Variants in PARD3 observed in about 807,000 individuals in gnomAD.
The protein encoded by PARD3 is par-3 family cell polarity regulator, also known as partitioning defective 3 homolog.
PARD3 carries 75 observed loss-of-function variants against 155.4 expected under a neutral mutation model. The observed-to-expected ratio is 0.48, with a 90% CI of 0.40 to 0.58. The LOEUF is 0.58. Ranked by LOEUF, PARD3 falls within the 20% of genes least tolerant of loss-of-function variation. The pLI is 0.00. For missense variants in PARD3, 1,642 were observed against 1,721.7 expected, an observed-to-expected ratio of 0.95 and a Z score of 0.82; for synonymous variants, 576 against 610.5, an observed-to-expected ratio of 0.94 and a Z score of 0.83.
rs148572484 is a variant in PARD3, at chr10:34,166,206, G to C, written c.3420-34623C>G. On this transcript the variant is annotated intron_variant, in intron 22 of 24. Transcript: ENST00000374788. Reference sequence around the variant, plus strand: ...GCAATAGAGCTTGGTGTGTTCCAAAGCATGGACTATGCTTTCTTAAGTCTT... The same window carrying C: ...GCAATAGAGCTTGGTGTGTTCCAAACCATGGACTATGCTTTCTTAAGTCTT... Among the ~76,000 whole-genome samples the C allele has an allele frequency of 1.5e-4, 23 of 152,274 alleles. No individual in the cohort carries two copies. In the East Asian group the frequency reaches 4.2e-3, roughly 28 times the overall value.
chr10:34,802,936 G>A (rs11597833), intron 1 of PARD3, among the ~76,000 whole-genome samples: 53,413 of 151,410 alleles, frequency 0.35, 10,552 homozygotes, highest in African/African-American at 0.55. Context: ...TTAAAAGGTA[G>A]GACTCCCGAC....
intron 2 of PARD3, among the ~76,000 whole-genome samples, chr10:34,560,877 T>C (rs1444515264): frequency 2.0e-5 from 3 of 152,182 alleles, no homozygotes; most frequent in Admixed American, 6.5e-5. Flanking sequence ...GATGAGGTAT[T>C]TGGAACTCAA....
chr10:34,472,481 A>G (rs2078415758), intron 3 of PARD3, among the ~76,000 whole-genome samples: 1 of 152,240 alleles, frequency 6.6e-6, no homozygotes, highest in Non-Finnish European at 1.5e-5. Flanking sequence ...TAAAAACTGT[A>G]AGGAAAAAAG....
At chr10:34,792,598 T>A (rs1401556148) in intron 1 of PARD3, among the ~76,000 whole-genome samples, 1 of 152,210 alleles carries the variant, frequency 6.6e-6, no homozygotes, top group Non-Finnish European at 1.5e-5. Context: ...TCAAGTACAC[T>A]GTTTTCCCAC....
intron 1 of PARD3, among the ~76,000 whole-genome samples, chr10:34,777,730 C>T (rs1839763405): frequency 6.6e-6 from 1 of 150,408 alleles, no homozygotes; most frequent in African/African-American, 2.5e-5. Flanking sequence ...GGGGGTTTTG[C>T]TTTGTTTCCC....
intron 22 of PARD3, among the ~76,000 whole-genome samples, chr10:34,173,931 A>G (rs545016058): frequency 6.6e-6 from 1 of 152,278 alleles, no homozygotes; most frequent in East Asian, 1.9e-4. Flanking sequence ...GTTTTGCTAC[A>G]GCCAAATCCC....
intron 2 of PARD3, among the ~76,000 whole-genome samples, chr10:34,599,997 T>A (rs1425030293): frequency 6.6e-6 from 1 of 151,942 alleles, no homozygotes; most frequent in Non-Finnish European, 1.5e-5. Flanking sequence ...GTCACCATAT[T>A]TGACACTGTG....
chr10:34,793,857 A>T (rs1841956089), intron 1 of PARD3, among the ~76,000 whole-genome samples: 1 of 152,196 alleles, frequency 6.6e-6, no homozygotes, highest in African/African-American at 2.4e-5. Context: ...TTCATGAACC[A>T]GGAGATAATC....
At chr10:34,134,375 TTC>T in intron 22 of PARD3, among the ~76,000 whole-genome samples, 1 of 152,348 alleles carries the variant, frequency 6.6e-6, no homozygotes, top group Middle Eastern at 3.4e-3. Context: ...ACCAGAAGTA[TTC>T]TTCTGTTATT....
chr10:34,119,945 T>A (rs1946894774), intron 23 of PARD3, among the ~76,000 whole-genome samples: 1 of 151,792 alleles, frequency 6.6e-6, no homozygotes, highest in African/African-American at 2.4e-5. Context: ...TCTTAAACTG[T>A]GATTTTGGCT....
At chr10:34,597,585 C>G (rs1286103035) in intron 2 of PARD3, among the ~76,000 whole-genome samples, 3 of 152,184 alleles carry the variant, frequency 2.0e-5, no homozygotes, top group Admixed American at 1.3e-4. Context: ...TAAGCCACCA[C>G]ATCCAGCCAA....
chr10:34,525,620 G>A (rs1320552572), intron 2 of PARD3, among the ~76,000 whole-genome samples: 4 of 152,086 alleles, frequency 2.6e-5, no homozygotes, highest in Middle Eastern at 3.2e-3. Context: ...ATATGTTTAC[G>A]TGTATCCAGA....
At chr10:34,306,683 CG>C (rs1328132291) in intron 20 of PARD3, among the ~76,000 whole-genome samples, 1 of 152,110 alleles carries the variant, frequency 6.6e-6, no homozygotes, top group Non-Finnish European at 1.5e-5. Flanking sequence ...AATACCATGA[CG>C]TAGATCCATG....
intron 2 of PARD3, among the ~76,000 whole-genome samples, chr10:34,587,942 C>T (rs1458445288): frequency 3.3e-5 from 5 of 152,252 alleles, no homozygotes; most frequent in East Asian, 1.9e-4. Context: ...TCTTGCTCTG[C>T]GGTGACCAGT....
intron 1 of PARD3, among the ~76,000 whole-genome samples, chr10:34,750,765 T>C (rs1415979498): frequency 1.3e-5 from 2 of 151,742 alleles, no homozygotes; most frequent in Non-Finnish European, 2.9e-5. Flanking sequence ...CTTGGCTCAT[T>C]GCAACCTCCG....
chr10:34,463,218 AAAGGGG>A (rs1011578642), intron 4 of PARD3, among the ~76,000 whole-genome samples: 12 of 127,788 alleles, frequency 9.4e-5, no homozygotes, highest in Non-Finnish European at 1.2e-4. Flanking sequence ...AAGGGAAAGA[AAAGGGG>A]AAGGGGAAGG....
At position 34,444,609 on chromosome 10, in the gene PARD3, G is replaced by C. The variant is rs575147625; in HGVS notation, c.714+5708C>G. Among the ~76,000 whole-genome samples the C allele has an allele frequency of 6.4e-4, 98 of 152,264 alleles. 1 individual carries two copies. In the South Asian group the frequency reaches 6.6e-3, roughly 10 times the overall value. The stretch of plus-strand genomic sequence containing the variant: ...TGGGCTATTCTGAACAAGGTGATTA[G>C]TCACTGAAAACCCCGGCTACTCTTT... On this transcript the variant is annotated intron_variant, in intron 5 of 24. Coordinates refer to ENST00000374788, the MANE Select transcript of PARD3 (RefSeq NM_001184785.2).
intron 2 of PARD3, among the ~76,000 whole-genome samples, chr10:34,579,147 G>A (rs2087165799): frequency 6.6e-6 from 1 of 152,038 alleles, no homozygotes; most frequent in South Asian, 2.1e-4. Context: ...GCGTGCGCCT[G>A]TAATCCCAGC....
chr10:34,566,508 G>A (rs562513660), intron 2 of PARD3, among the ~76,000 whole-genome samples: 3 of 152,282 alleles, frequency 2.0e-5, no homozygotes, highest in Admixed American at 1.3e-4. Context: ...ACATTATCCC[G>A]GAAATGCAGC....
Sources: gnomAD v4.1 joint callset for allele counts (sites outside exome capture counted in the v4.1 genomes callset) on GRCh38, gnomAD v4.1.1 for gene constraint, MANE v1.5 for transcripts, NCBI Gene and HGNC (gene_info 2026-07-23, HGNC 2026-07-21) for gene names.